RPS6KC1: variants seen among roughly 807,000 people sequenced by gnomAD.
RPS6KC1 encodes ribosomal protein S6 kinase C1.
A neutral mutation model predicts 103.8 loss-of-function variants in RPS6KC1; 54 were observed. The ratio of observed to expected loss-of-function variants is 0.52; its 90% CI spans 0.42 to 0.65. RPS6KC1 has a LOEUF of 0.65. Ranked by LOEUF, RPS6KC1 falls within the 30% of genes least tolerant of loss-of-function variation. RPS6KC1 has a pLI of 0.00. For missense variants in RPS6KC1, 1,151 were observed against 1,253.8 expected, an observed-to-expected ratio of 0.92 and a Z score of 1.24; for synonymous variants, 439 against 438.7, an observed-to-expected ratio of 1.00 and a Z score of -0.01.
the RPS6KC1 span, among the ~76,000 whole-genome samples, chr1:213,625,855 G>A: frequency 1.3e-5 from 2 of 152,078 alleles, no homozygotes; most frequent in African/African-American, 4.8e-5. Context: ...TTGGTTCCAA[G>A]TCTTTGCTAT....
the RPS6KC1 span, among the ~76,000 whole-genome samples, chr1:213,783,694 C>T: frequency 1.6e-4 from 24 of 151,506 alleles, no homozygotes; most frequent in Non-Finnish European, 2.8e-4. Flanking sequence ...TCTTTGGAGC[C>T]ATTATCATTT....
At chr1:213,361,150 C>A in the RPS6KC1 span, among the ~76,000 whole-genome samples, 3 of 152,230 alleles carry the variant, frequency 2.0e-5, no homozygotes, top group Admixed American at 2.0e-4. Context: ...TGCCCTGCCC[C>A]CAGAGGTGGA....
the RPS6KC1 span, among the ~76,000 whole-genome samples, chr1:213,560,188 C>T: frequency 5.3e-5 from 8 of 152,224 alleles, no homozygotes; most frequent in Admixed American, 2.6e-4. Context: ...TTTAATCAAA[C>T]GCTGCTGTAA....
chr1:213,774,373 G>A, the RPS6KC1 span, among the ~76,000 whole-genome samples: 20 of 152,156 alleles, frequency 1.3e-4, no homozygotes, highest in Non-Finnish European at 1.6e-4. Context: ...CTAAAGGGCT[G>A]ACATGATCCC....
the RPS6KC1 span, among the ~76,000 whole-genome samples, chr1:213,681,412 G>C: frequency 6.6e-6 from 1 of 152,176 alleles, no homozygotes; most frequent in African/African-American, 2.4e-5. Context: ...ACCATGTCAA[G>C]GGATAAGAGC....
chr1:213,861,375 A>G, the RPS6KC1 span, among the ~76,000 whole-genome samples: 10,676 of 152,226 alleles, frequency 0.07, 1,267 homozygotes, highest in African/African-American at 0.24. Flanking sequence ...ACTTTCTAAG[A>G]GAAAGCTGGG....
the RPS6KC1 span, among the ~76,000 whole-genome samples, chr1:213,729,834 G>C: frequency 6.6e-6 from 1 of 151,896 alleles, no homozygotes; most frequent in African/African-American, 2.4e-5. Context: ...GTAAACTTGT[G>C]TCATGGGAGT....
chr1:213,793,768 T>G, the RPS6KC1 span, among the ~76,000 whole-genome samples: 5 of 152,322 alleles, frequency 3.3e-5, no homozygotes, highest in Admixed American at 3.3e-4. Flanking sequence ...TCATGAACAC[T>G]TTTCTGTCTG....
chr1:213,798,587 G>A, the RPS6KC1 span, among the ~76,000 whole-genome samples: 1 of 152,130 alleles, frequency 6.6e-6, no homozygotes, highest in Non-Finnish European at 1.5e-5. Flanking sequence ...TTCCTCCAGG[G>A]CCCCTCCCAC....
At chr1:213,152,121 A>C (rs1373863634) in intron 6 of RPS6KC1, among the ~76,000 whole-genome samples, 3 of 101,194 alleles carry the variant, frequency 3.0e-5, no homozygotes, top group Admixed American at 1.0e-4. Flanking sequence ...ACTTCCCAGT[A>C]GGGGCGGCCG....
At chr1:213,278,489 A>C (rs2095116572), downstream of RPS6KC1, among the ~76,000 whole-genome samples, 1 of 152,244 alleles carries the variant, frequency 6.6e-6, no homozygotes, top group African/African-American at 2.4e-5. Context: ...TTATAGGAAG[A>C]AAATGTGTTA....
chr1:213,392,899 T>C, the RPS6KC1 span, among the ~76,000 whole-genome samples: 4 of 152,212 alleles, frequency 2.6e-5, no homozygotes, highest in Admixed American at 2.6e-4. Context: ...AAAGTGCGGA[T>C]GTTGGTGTAT....
At chr1:213,175,999 C>T (rs1452622845) in intron 7 of RPS6KC1, among the ~76,000 whole-genome samples, 1 of 152,056 alleles carries the variant, frequency 6.6e-6, no homozygotes, top group East Asian at 1.9e-4. Flanking sequence ...TTTTTAGTTC[C>T]CCCACTTCCA....
chr1:213,628,205 G>T, the RPS6KC1 span, among the ~76,000 whole-genome samples: 1 of 152,308 alleles, frequency 6.6e-6, no homozygotes, highest in Non-Finnish European at 1.5e-5. Context: ...TAGTTTATTT[G>T]CGTAGAGGTG....
chr1:213,583,428 G>A, the RPS6KC1 span, among the ~76,000 whole-genome samples: 7 of 152,170 alleles, frequency 4.6e-5, no homozygotes, highest in South Asian at 2.1e-4. Flanking sequence ...CAGATTGGGA[G>A]TCTGCTTGAC....
chr1:213,781,800 A>G, the RPS6KC1 span, among the ~76,000 whole-genome samples: 1 of 152,056 alleles, frequency 6.6e-6, no homozygotes, highest in Non-Finnish European at 1.5e-5. Flanking sequence ...GTAAAGGACA[A>G]TTTGGCAAAG....
intron 4 of RPS6KC1, among the ~76,000 whole-genome samples, chr1:213,112,528 C>T (rs973892529): frequency 4.6e-5 from 7 of 151,274 alleles, no homozygotes; most frequent in African/African-American, 1.7e-4. Flanking sequence ...ATATTGTATA[C>T]AAGTGGTTCT....
chr1:213,099,079 A>G (rs1209465776), intron 3 of RPS6KC1, among the ~76,000 whole-genome samples: 1 of 152,214 alleles, frequency 6.6e-6, no homozygotes, highest in Non-Finnish European at 1.5e-5. Context: ...CAGCCTTTCA[A>G]GTGAAATTTT....
the RPS6KC1 span, among the ~76,000 whole-genome samples, chr1:213,420,549 G>A: frequency 3.3e-5 from 5 of 152,162 alleles, no homozygotes; most frequent in Admixed American, 6.5e-5. Flanking sequence ...TCCTGGTGGA[G>A]GGTAGTGAGG....
Sources: allele counts gnomAD v4.1 joint callset (sites outside exome capture counted in the v4.1 genomes callset), GRCh38; gene constraint gnomAD v4.1.1; transcripts MANE v1.5; gene names NCBI Gene and HGNC (gene_info 2026-07-23, HGNC 2026-07-21).